The following RRAS2 variants were observed in gnomAD, a reference collection of about 807,000 sequenced individuals.
The protein encoded by RRAS2 is RAS related 2, also known as ras-related protein R-Ras2.
In RRAS2, 7 loss-of-function variants were observed where a neutral mutation model predicts 27.6. The ratio of observed to expected loss-of-function variants is 0.25; its 90% CI spans 0.14 to 0.48. The LOEUF is 0.48. Ranked by LOEUF, RRAS2 falls within the 20% of genes least tolerant of loss-of-function variation. RRAS2 has a pLI of 0.99. For synonymous variants in RRAS2, 86 were observed against 90.9 expected (o/e 0.95, Z 0.31); for missense variants, 178 against 256.2 (o/e 0.69, Z 2.08).
intron 1 of RRAS2, among the ~76,000 whole-genome samples, chr11:14,343,660 G>A (rs782749788): frequency 4.7e-5 from 7 of 150,466 alleles, no homozygotes; most frequent in East Asian, 2.0e-4. Context: ...GCGAAACCCC[G>A]TCTCTACCAA....
chr11:14,332,804 TA>T (rs1554952104), intron 1 of RRAS2, among the ~76,000 whole-genome samples: 1 of 151,760 alleles, frequency 6.6e-6, no homozygotes, highest in Non-Finnish European at 1.5e-5. Flanking sequence ...AAGTAACAGA[TA>T]ATGGGCAAAG....
chr11:14,356,789 C>T, intron 1 of RRAS2: 1 of 439,848 alleles, frequency 2.3e-6, no homozygotes, highest in African/African-American at 2.1e-5. Context: ...ATTAGGAAAA[C>T]GGCAATTAAT....
intron 1 of RRAS2, among the ~76,000 whole-genome samples, chr11:14,347,033 C>T (rs556885238): frequency 3.3e-5 from 5 of 152,146 alleles, no homozygotes; most frequent in Non-Finnish European, 7.4e-5. Context: ...GTGGCATATG[C>T]CTGTAGTCCT....
At chr11:14,294,160 G>A (rs1591448939) in intron 4 of RRAS2, among the ~76,000 whole-genome samples, 1 of 152,288 alleles carries the variant, frequency 6.6e-6, no homozygotes, top group East Asian at 1.9e-4. Context: ...TAGAGTTTTG[G>A]ATGTAATCCA....
At chr11:14,357,496 AC>A (rs2134046748) in intron 1 of RRAS2, among the ~76,000 whole-genome samples, 1 of 152,264 alleles carries the variant, frequency 6.6e-6, no homozygotes, top group East Asian at 1.9e-4. Flanking sequence ...TAATAAGCAT[AC>A]TGTAAATGCT....
At chr11:14,331,562 G>A (rs1848481216) in intron 1 of RRAS2, among the ~76,000 whole-genome samples, 1 of 151,782 alleles carries the variant, frequency 6.6e-6, no homozygotes, top group African/African-American at 2.4e-5. Flanking sequence ...TTCTGGCCTG[G>A]GCATGGTGGC....
intron 1 of RRAS2, among the ~76,000 whole-genome samples, chr11:14,320,823 T>C (rs1358907326): frequency 6.6e-6 from 1 of 152,204 alleles, no homozygotes; most frequent in African/African-American, 2.4e-5. Flanking sequence ...TAGTATGCAG[T>C]AAAATGTGGG....
chr11:14,292,317 CT>C (rs1554945887), intron 4 of RRAS2, among the ~76,000 whole-genome samples: 11 of 152,132 alleles, frequency 7.2e-5, no homozygotes, highest in Non-Finnish European at 1.3e-4. Context: ...CTACCTATTC[CT>C]TTACTGGAGC....
At chr11:14,310,081 C>A (rs2970333) in intron 1 of RRAS2, among the ~76,000 whole-genome samples, 1 of 151,952 alleles carries the variant, frequency 6.6e-6, no homozygotes, top group Non-Finnish European at 1.5e-5. Context: ...GGAGGGCCAA[C>A]AGCATTTGCA....
chr11:14,352,238 G>A (rs923770842), intron 1 of RRAS2, among the ~76,000 whole-genome samples: 3 of 152,108 alleles, frequency 2.0e-5, no homozygotes, highest in Non-Finnish European at 4.4e-5. Context: ...AGTATATACC[G>A]ACAATAAACT....
At chr11:14,338,437 G>T (rs1166137665) in intron 1 of RRAS2, among the ~76,000 whole-genome samples, 1 of 152,140 alleles carries the variant, frequency 6.6e-6, no homozygotes, top group Non-Finnish European at 1.5e-5. Context: ...CTAAACATGA[G>T]ATTTATTTAT....
chr11:14,330,724 T>G (rs1848466616), intron 1 of RRAS2, among the ~76,000 whole-genome samples: 1 of 152,316 alleles, frequency 6.6e-6, no homozygotes, highest in East Asian at 1.9e-4. Flanking sequence ...AAGATACTTT[T>G]AACCACAGCT....
intron 1 of RRAS2, among the ~76,000 whole-genome samples, chr11:14,322,005 T>C (rs1322891648): frequency 6.6e-6 from 1 of 152,212 alleles, no homozygotes; most frequent in Non-Finnish European, 1.5e-5. Context: ...CTATATACTA[T>C]TTAACAGTTA....
At chr11:14,327,587 CT>C (rs1290142257) in intron 1 of RRAS2, among the ~76,000 whole-genome samples, 2 of 152,112 alleles carry the variant, frequency 1.3e-5, no homozygotes, top group Admixed American at 6.5e-5. Context: ...CTCTACCCCC[CT>C]TTCTCTTCAC....
intron 1 of RRAS2, among the ~76,000 whole-genome samples, chr11:14,310,680 T>G (rs1226321196): frequency 6.6e-6 from 1 of 152,154 alleles, no homozygotes; most frequent in African/African-American, 2.4e-5. Context: ...GGTGACCATA[T>G]AAGTTACTGA....
intron 1 of RRAS2, among the ~76,000 whole-genome samples, chr11:14,311,315 C>A (rs781837550): frequency 6.6e-6 from 1 of 152,182 alleles, no homozygotes; most frequent in South Asian, 2.1e-4. Flanking sequence ...CCACTGCACT[C>A]CAGCTTGGGC....
intron 4 of RRAS2, among the ~76,000 whole-genome samples, chr11:14,287,234 G>A (rs797030151): frequency 4.6e-5 from 7 of 152,218 alleles, no homozygotes; most frequent in African/African-American, 1.7e-4. Context: ...TGTCCTCTGA[G>A]GCTAGGAAGT....
chr11:14,358,243 G>T lies in RRAS2; in HGVS notation c.108+520C>A, dbSNP rs965742734. On this transcript the variant is annotated intron_variant, in intron 1 of 5. Transcript: ENST00000256196. This position sits in a 1 kb window ranked among gnomAD's most constrained non-coding sequence, Gnocchi z 5.1. Reference sequence around the variant, plus strand: ...AAAAAGAGCGTAACACACACACAAAGAAATACACAGTACTTGAAGCGGGCA... The same window carrying T: ...AAAAAGAGCGTAACACACACACAAATAAATACACAGTACTTGAAGCGGGCA... 5.0e-5 allele frequency: 49 copies of T among 985,358 alleles called. No individual in the cohort carries two copies. The highest frequency in any genetic ancestry group is 5.9e-5 in the Non-Finnish European group (49 of 829,964). 61.0% of individuals were successfully genotyped at this position (985,358 alleles called of 1,614,324 possible).
intron 1 of RRAS2, among the ~76,000 whole-genome samples, chr11:14,317,157 G>A (rs61883963): frequency 0.085 from 12,875 of 152,278 alleles, 732 homozygotes; most frequent in African/African-American, 0.15. Flanking sequence ...TAGGTGTTGG[G>A]TGGAGTTCCA....
Sources: gnomAD v4.1 joint callset for allele counts (sites outside exome capture counted in the v4.1 genomes callset) on GRCh38, gnomAD v4.1.1 for gene constraint, Gnocchi (gnomAD v3.1) non-coding constraint, MANE v1.5 for transcripts, NCBI Gene and HGNC (gene_info 2026-07-23, HGNC 2026-07-21) for gene names.